Variants in OPCML observed in about 807,000 individuals in gnomAD.
OPCML encodes opioid binding protein/cell adhesion molecule like.
OPCML carries 13 observed loss-of-function variants against 37.8 expected under a neutral mutation model. That is an observed-to-expected ratio of 0.34 (90% confidence interval 0.22 to 0.55). The LOEUF is 0.55. Among genes scored for constraint, OPCML ranks in the 20% least tolerant of loss-of-function variants. The pLI is 0.91. For synonymous variants in OPCML, 176 were observed against 168.8 expected, an observed-to-expected ratio of 1.04 and a Z score of -0.33; for missense variants, 341 against 435.6, an observed-to-expected ratio of 0.78 and a Z score of 1.93.
chr11:132,479,703 G>C (rs1421225731), intron 4 of OPCML, among the ~76,000 whole-genome samples: 11 of 152,186 alleles, frequency 7.2e-5, no homozygotes, highest in Admixed American at 7.2e-4. Flanking sequence ...GCCTCCTCAA[G>C]TGGGTCCCTG....
intron 2 of OPCML, among the ~76,000 whole-genome samples, chr11:132,881,275 A>G (rs1307943675): frequency 6.6e-6 from 1 of 152,256 alleles, no homozygotes; most frequent in Non-Finnish European, 1.5e-5. Context: ...TTCCAGAAGC[A>G]GATGCTGAAT....
chr11:133,125,676 A>G (rs1425042492), intron 1 of OPCML, among the ~76,000 whole-genome samples: 1 of 29,306 alleles, frequency 3.4e-5, no homozygotes, highest in East Asian at 2.1e-3. Flanking sequence ...ATAGTATAGT[A>G]TATGTATATA....
chr11:132,630,319 G>A (rs1236070962), intron 3 of OPCML, among the ~76,000 whole-genome samples: 4 of 152,182 alleles, frequency 2.6e-5, no homozygotes, highest in Non-Finnish European at 5.9e-5. Context: ...CAGCACTTTG[G>A]GAGGCTGAGG....
intron 1 of OPCML, among the ~76,000 whole-genome samples, chr11:133,147,616 G>A (rs1949916014): frequency 1.3e-5 from 2 of 152,142 alleles, no homozygotes; most frequent in South Asian, 4.1e-4. Flanking sequence ...ATACACAGAA[G>A]GGATGGGTGG....
intron 4 of OPCML, among the ~76,000 whole-genome samples, chr11:132,446,007 T>G (rs1228282447): frequency 6.6e-6 from 1 of 151,040 alleles, no homozygotes; most frequent in East Asian, 1.9e-4. Flanking sequence ...CTCCAGCAGC[T>G]AGAGATCCCC....
At chr11:133,394,602 C>T (rs1945247706) in intron 1 of OPCML, among the ~76,000 whole-genome samples, 1 of 152,164 alleles carries the variant, frequency 6.6e-6, no homozygotes. Context: ...CTGCTCTCCG[C>T]TCCATTAGTT....
In OPCML at chr11:132,911,476, C is replaced by T. The variant is rs150138006; in HGVS notation, c.146+31450G>A. 2.7e-4 allele frequency among the ~76,000 whole-genome samples: 41 copies of T among 152,310 alleles called. 1 individual carries two copies. The East Asian group carries it at 7.5e-3, about 28-fold the overall frequency. The stretch of plus-strand genomic sequence containing the variant: ...TTTTCACACATTCATCAAGACATCC[C>T]GAGGAGAGTTTGCCTGATTGTCTCG... On this transcript the variant is annotated intron_variant, in intron 2 of 7. Transcript: ENST00000524381.
At chr11:133,370,853 C>A (rs369251715) in intron 1 of OPCML, among the ~76,000 whole-genome samples, 2 of 152,096 alleles carry the variant, frequency 1.3e-5, no homozygotes, top group African/African-American at 4.8e-5. Flanking sequence ...TTCTTCACAG[C>A]AAAGCAAATA....
chr11:132,662,250 C>T (rs563330120), intron 2 of OPCML, among the ~76,000 whole-genome samples: 5 of 152,258 alleles, frequency 3.3e-5, no homozygotes, highest in Admixed American at 6.5e-5. Flanking sequence ...CCGGATACTG[C>T]GGCTCTGGGG....
In OPCML at chr11:133,532,305, C is replaced by T; in HGVS notation, c.20G>A (p.Trp7Ter). Residue 7 changes from tryptophan (W) to a stop codon, truncating the protein, a stop_gained, in exon 1 of 8, where the codon TGG becomes TAG. Coordinates refer to ENST00000524381, the MANE Select transcript of OPCML (RefSeq NM_001012393.5). LOFTEE classifies it high-confidence loss of function. The part of the protein sequence containing the change: MYHPAY[W>*]VVFSATTALL... The stretch of plus-strand genomic sequence containing the variant: ...GGCAGTTGTCGCCGAGAAGACGACC[C>T]AGTAGGCAGGATGGTACATCTCGAC... The T allele has an allele frequency of 6.2e-7, 1 of 1,613,954 alleles. No homozygotes were observed.
chr11:133,265,008 G>C (rs1385434827), intron 1 of OPCML, among the ~76,000 whole-genome samples: 1 of 152,178 alleles, frequency 6.6e-6, no homozygotes, highest in Non-Finnish European at 1.5e-5. Flanking sequence ...GGGTCCTACC[G>C]AGAGGCCTCG....
At chr11:133,420,194 CT>C (rs912573903) in intron 1 of OPCML, 13,219 of 680,228 alleles carry the variant, frequency 0.019, 1 homozygote, top group Non-Finnish European at 0.022. Flanking sequence ...CACACAAGTA[CT>C]TTTTTTTTTT....
intron 1 of OPCML, among the ~76,000 whole-genome samples, chr11:132,947,352 C>G (rs966707657): frequency 6.6e-6 from 1 of 152,290 alleles, no homozygotes; most frequent in South Asian, 2.1e-4. Context: ...AACCAAGTAT[C>G]CCATTTTGTT....
At chr11:133,317,930 T>C (rs758344242) in intron 1 of OPCML, among the ~76,000 whole-genome samples, 9 of 152,194 alleles carry the variant, frequency 5.9e-5, no homozygotes, top group Non-Finnish European at 8.8e-5. Flanking sequence ...GCTTGCCTAT[T>C]ATTAGGCCCA....
chr11:133,241,790 T>C (rs1428531612), intron 1 of OPCML, among the ~76,000 whole-genome samples: 1 of 152,194 alleles, frequency 6.6e-6, no homozygotes, highest in South Asian at 2.1e-4. Flanking sequence ...CACCACCCAC[T>C]GCGGGCCATC....
At chr11:132,754,008 C>T (rs1373533713) in intron 2 of OPCML, among the ~76,000 whole-genome samples, 1 of 152,210 alleles carries the variant, frequency 6.6e-6, no homozygotes, top group Non-Finnish European at 1.5e-5. Flanking sequence ...CCAACTTCTG[C>T]ATATGCATTC....
intron 1 of OPCML, among the ~76,000 whole-genome samples, chr11:133,436,065 G>A (rs1334022465): frequency 1.3e-5 from 2 of 152,030 alleles, no homozygotes; most frequent in East Asian, 3.9e-4. Flanking sequence ...ACAAAATGTA[G>A]TCACAAAATA....
chr11:132,847,294 G>A (rs1316558944), intron 2 of OPCML, among the ~76,000 whole-genome samples: 1 of 151,994 alleles, frequency 6.6e-6, no homozygotes, highest in Non-Finnish European at 1.5e-5. Context: ...TTGTTGACAT[G>A]CTTTTTTTTC....
At chr11:132,744,633 TTGACTAAAAGTTAGCCTGCATTAGGCAC>T (rs1481319964) in intron 2 of OPCML, among the ~76,000 whole-genome samples, 1 of 152,206 alleles carries the variant, frequency 6.6e-6, no homozygotes, top group Non-Finnish European at 1.5e-5. Flanking sequence ...GTGTTATGCA[TTGACTAAAAGTTAGCCTGCATTAGGCAC>T]TGCCACGGAG....
Sources: gnomAD v4.1 joint callset for allele counts (sites outside exome capture counted in the v4.1 genomes callset) on GRCh38, gnomAD v4.1.1 for gene constraint, MANE v1.5 for transcripts, NCBI Gene and HGNC (gene_info 2026-07-23, HGNC 2026-07-21) for gene names.